The following CDH13 variants were observed in gnomAD, a reference collection of about 807,000 sequenced individuals.
The protein encoded by CDH13 is cadherin 13, also known as cadherin-13.
A neutral mutation model predicts 63.8 loss-of-function variants in CDH13; 24 were observed. The ratio of observed to expected loss-of-function variants is 0.38; its 90% CI spans 0.27 to 0.53. The LOEUF is 0.53. CDH13 is among the 20% of genes least tolerant of loss of function. The probability of loss-of-function intolerance (pLI) is 0.85; values close to 1 mark genes in which losing one functional copy is unlikely to be tolerated. For synonymous variants in CDH13, 503 were observed against 355.3 expected, an observed-to-expected ratio of 1.42 and a Z score of -4.67; for missense variants, 1,049 against 903.1, an observed-to-expected ratio of 1.16 and a Z score of -2.07.
At chr16:83,281,375 G>T (rs866998004) in intron 5 of CDH13, among the ~76,000 whole-genome samples, 1 of 152,116 alleles carries the variant, frequency 6.6e-6, no homozygotes, top group African/African-American at 2.4e-5. Context: ...AGAGCACTTT[G>T]GTCTGGATTA....
intron 3 of CDH13, among the ~76,000 whole-genome samples, chr16:83,096,626 T>C (rs1567825443): frequency 6.6e-6 from 1 of 152,202 alleles, no homozygotes; most frequent in Non-Finnish European, 1.5e-5. Flanking sequence ...GAAGCTGCGC[T>C]TTCCAGTCGT....
Position 82,811,691 on chromosome 16 carries a change from C to G in CDH13, c.46-46671C>G, listed in dbSNP as rs149807409. ...GATAGCAGTATTCCAAATGAGTTGC[C>G]ATGGTGTCTTGTATTCCAGTGAGGA... On this transcript the variant is annotated intron_variant, in intron 1 of 13. Transcript: ENST00000567109. 3.6e-3 allele frequency among the ~76,000 whole-genome samples: 550 copies of G among 152,138 alleles called. 2 individuals are homozygous for G. The highest frequency in any genetic ancestry group is 0.012 in the African/African-American group (515 of 41,528).
At chr16:83,085,932 G>A (rs940575450) in intron 3 of CDH13, among the ~76,000 whole-genome samples, 11 of 152,106 alleles carry the variant, frequency 7.2e-5, no homozygotes, top group African/African-American at 1.4e-4. Flanking sequence ...TCTGAATGGC[G>A]TCATGAAATA....
chr16:82,753,483 C>G lies in CDH13; in HGVS notation c.46-104879C>G, dbSNP rs75437313. On this transcript the variant is annotated intron_variant, in intron 1 of 13. Coordinates refer to ENST00000567109, the MANE Select transcript of CDH13 (RefSeq NM_001257.5). ...CTAAGAAATGGGCACATTTCCCCTGCTAAGCTACAGACCTGTGTATTTACG... is the reference window on the plus strand; with the variant it reads ...CTAAGAAATGGGCACATTTCCCCTGGTAAGCTACAGACCTGTGTATTTACG... Among the ~76,000 whole-genome samples the G allele has an allele frequency of 4.1e-4, 63 of 152,292 alleles. No individual in the cohort carries two copies. In the East Asian group the frequency reaches 0.011, roughly 26 times the overall value.
At chr16:82,855,291 A>T (rs1349154358) in intron 1 of CDH13, among the ~76,000 whole-genome samples, 2 of 152,200 alleles carry the variant, frequency 1.3e-5, no homozygotes, top group African/African-American at 4.8e-5. Flanking sequence ...TGGAGAACAC[A>T]GCTCACCTGC....
intron 3 of CDH13, among the ~76,000 whole-genome samples, chr16:83,050,182 C>G (rs150517158): frequency 6.6e-6 from 1 of 152,126 alleles, no homozygotes; most frequent in Non-Finnish European, 1.5e-5. Flanking sequence ...AGACCCGGGC[C>G]TCCTTCTGCC....
intron 1 of CDH13, chr16:82,639,605 A>G (rs1346759604): frequency 4.7e-6 from 3 of 637,770 alleles, no homozygotes; most frequent in African/African-American, 3.6e-5. Context: ...AACAAGAAAT[A>G]TACAGTCTGT....
At chr16:83,630,878 A>T (rs1910719033) in intron 8 of CDH13, among the ~76,000 whole-genome samples, 1 of 152,234 alleles carries the variant, frequency 6.6e-6, no homozygotes, top group South Asian at 2.1e-4. Context: ...TTTGCCTCCC[A>T]TAGGTCCCAG....
chr16:83,479,529 C>T (rs1386177480), intron 6 of CDH13, among the ~76,000 whole-genome samples: 8 of 152,200 alleles, frequency 5.3e-5, no homozygotes, highest in South Asian at 2.1e-4. Context: ...TAGTGGCAGA[C>T]ACCTGTAGTC....
At chr16:83,368,884 T>TTATATATATA (rs150563585) in intron 6 of CDH13, among the ~76,000 whole-genome samples, 15 of 47,664 alleles carry the variant, frequency 3.1e-4, no homozygotes, top group Non-Finnish European at 4.6e-4. Context: ...GTATTCCATG[T>TTATATATATA]TATATATATA....
chr16:82,628,096 C>T (rs535299245), intron 1 of CDH13, among the ~76,000 whole-genome samples: 1 of 152,350 alleles, frequency 6.6e-6, no homozygotes, highest in African/African-American at 2.4e-5. Context: ...AGCAGCGCTC[C>T]GAGGCCAGGC....
chr16:83,675,403 G>C (rs561613853), intron 9 of CDH13, among the ~76,000 whole-genome samples: 2 of 152,206 alleles, frequency 1.3e-5, no homozygotes, highest in East Asian at 3.9e-4. Flanking sequence ...TCCCTCCCTC[G>C]CTGCTCCCCT....
chr16:83,522,848 G>A (rs187335244), intron 7 of CDH13, among the ~76,000 whole-genome samples: 60 of 152,188 alleles, frequency 3.9e-4, no homozygotes, highest in African/African-American at 1.4e-3. Flanking sequence ...CCACCCCAAG[G>A]ACTTAAAGAA....
intron 3 of CDH13, among the ~76,000 whole-genome samples, chr16:83,082,871 C>T (rs1047586626): frequency 6.6e-6 from 1 of 152,104 alleles, no homozygotes. Context: ...TTAACAGCAA[C>T]AGTGAATTCG....
chr16:83,220,565 G>A (rs1228830721), intron 5 of CDH13, among the ~76,000 whole-genome samples: 1 of 150,258 alleles, frequency 6.7e-6, no homozygotes, highest in Non-Finnish European at 1.5e-5. Flanking sequence ...TAACAAACCT[G>A]TACGTTGTGC....
chr16:83,517,298 C>G (rs756498689), intron 7 of CDH13, among the ~76,000 whole-genome samples: 3 of 152,184 alleles, frequency 2.0e-5, no homozygotes, highest in African/African-American at 4.8e-5. Context: ...TTAATCAGGG[C>G]TAGATTAGGT....
intron 5 of CDH13, among the ~76,000 whole-genome samples, chr16:83,303,476 G>C (rs900493051): frequency 2.6e-5 from 4 of 152,150 alleles, no homozygotes; most frequent in Non-Finnish European, 4.4e-5. Context: ...TGTTCTCTTT[G>C]GGAATTGAAC....
chr16:82,765,697 T>C (rs1203854048), intron 1 of CDH13, among the ~76,000 whole-genome samples: 1 of 152,230 alleles, frequency 6.6e-6, no homozygotes, highest in Non-Finnish European at 1.5e-5. Context: ...TTGCTAATTT[T>C]CGGTGTTAAA....
intron 7 of CDH13, among the ~76,000 whole-genome samples, chr16:83,543,202 C>T (rs12930421): frequency 0.3 from 46,276 of 152,094 alleles, 7,963 homozygotes; most frequent in East Asian, 0.4. Context: ...CGATATTTTC[C>T]TGATGTTGCC....
Sources: gnomAD v4.1 joint callset for allele counts (sites outside exome capture counted in the v4.1 genomes callset) on GRCh38, gnomAD v4.1.1 for gene constraint, MANE v1.5 for transcripts, NCBI Gene and HGNC (gene_info 2026-07-23, HGNC 2026-07-21) for gene names.